OPCML: variants seen among roughly 807,000 people sequenced by gnomAD.
The protein encoded by OPCML is opioid binding protein/cell adhesion molecule like.
In OPCML, 13 loss-of-function variants were observed where a neutral mutation model predicts 37.8. The observed-to-expected ratio is 0.34, with a 90% CI of 0.22 to 0.55. The LOEUF is 0.55. Ranked by LOEUF, OPCML falls within the 20% of genes least tolerant of loss-of-function variation. The pLI is 0.91. For missense variants in OPCML, 341 were observed against 435.6 expected (o/e 0.78, Z 1.93); for synonymous variants, 176 against 168.8 (o/e 1.04, Z -0.33).
At chr11:133,466,401 T>C (rs11223478) in intron 1 of OPCML, among the ~76,000 whole-genome samples, 20,263 of 152,220 alleles carry the variant, frequency 0.13, 3,207 homozygotes, top group African/African-American at 0.38. Context: ...ATTGTTGTTA[T>C]GGTGATCTCT....
intron 1 of OPCML, among the ~76,000 whole-genome samples, chr11:133,324,896 T>C (rs940710100): frequency 1.3e-5 from 2 of 152,128 alleles, no homozygotes; most frequent in East Asian, 1.9e-4. Context: ...GAATAGTATA[T>C]AGTATTATAG....
At chr11:132,447,464 ATT>A (rs537083917) in intron 4 of OPCML, among the ~76,000 whole-genome samples, 2,265 of 142,586 alleles carry the variant, frequency 0.016, 50 homozygotes, top group African/African-American at 0.054. Flanking sequence ...TGCCCAGTTA[ATT>A]TTTTTTTTTT....
intron 4 of OPCML, among the ~76,000 whole-genome samples, chr11:132,517,931 A>G (rs1030044097): frequency 1.3e-5 from 2 of 152,348 alleles, no homozygotes; most frequent in African/African-American, 4.8e-5. Flanking sequence ...AGATTTACAT[A>G]GAGAATGAGT....
At chr11:132,607,289 C>G (rs936202145) in intron 3 of OPCML, among the ~76,000 whole-genome samples, 1 of 152,202 alleles carries the variant, frequency 6.6e-6, no homozygotes, top group African/African-American at 2.4e-5. Context: ...GCATTTGGAG[C>G]CCCCAGCCTT....
intron 1 of OPCML, among the ~76,000 whole-genome samples, chr11:133,047,931 A>G (rs963229791): frequency 1.3e-5 from 2 of 152,138 alleles, no homozygotes; most frequent in African/African-American, 4.8e-5. Context: ...TATCTGGCAC[A>G]TGCTATGGCC....
chr11:132,942,616 C>T (rs1442665300), intron 2 of OPCML, among the ~76,000 whole-genome samples: 1 of 152,160 alleles, frequency 6.6e-6, no homozygotes, highest in East Asian at 1.9e-4. Flanking sequence ...CAAACCCATG[C>T]ACTCATGTTC....
intron 1 of OPCML, among the ~76,000 whole-genome samples, chr11:133,126,483 A>G (rs1949517638): frequency 6.6e-6 from 1 of 152,190 alleles, no homozygotes; most frequent in Non-Finnish European, 1.5e-5. Flanking sequence ...GACACATAAA[A>G]TTAATCATCA....
chr11:133,101,343 G>T (rs1160160352), intron 1 of OPCML, among the ~76,000 whole-genome samples: 1 of 152,154 alleles, frequency 6.6e-6, no homozygotes, highest in Non-Finnish European at 1.5e-5. Context: ...AGATTGAGAA[G>T]AAAAGCCACA....
intron 3 of OPCML, among the ~76,000 whole-genome samples, chr11:132,558,940 C>G (rs2096404351): frequency 6.6e-6 from 1 of 152,114 alleles, no homozygotes; most frequent in Admixed American, 6.5e-5. Context: ...CCAACCAGAG[C>G]ACAGCTCATG....
intron 2 of OPCML, among the ~76,000 whole-genome samples, chr11:132,918,798 A>C (rs1283808563): frequency 5.8e-5 from 7 of 119,810 alleles, no homozygotes; most frequent in Non-Finnish European, 1.3e-4. Flanking sequence ...ACCAGGGTTG[A>C]AAAAAAACAT....
chr11:132,823,547 A>G (rs1377567286), intron 2 of OPCML, among the ~76,000 whole-genome samples: 2 of 151,696 alleles, frequency 1.3e-5, no homozygotes, highest in Admixed American at 6.6e-5. Flanking sequence ...AACCATCCCT[A>G]TCAGCATCCA....
At chr11:132,657,029 CTG>C (rs1365552131) in intron 3 of OPCML, 56 bp downstream of exon 3, 23 of 1,585,400 alleles carry the variant, frequency 1.5e-5, no homozygotes, top group Non-Finnish European at 2.0e-5. Context: ...AACACCAACA[CTG>C]TTCTTCCCCT....
chr11:132,681,628 T>C (rs1008287443), intron 2 of OPCML, among the ~76,000 whole-genome samples: 1 of 152,118 alleles, frequency 6.6e-6, no homozygotes, highest in Non-Finnish European at 1.5e-5. Context: ...TCCTCCGGGA[T>C]GCCGGACAAG....
At chr11:132,842,411 T>C (rs1333448020) in intron 2 of OPCML, among the ~76,000 whole-genome samples, 1 of 152,146 alleles carries the variant, frequency 6.6e-6, no homozygotes, top group Admixed American at 6.6e-5. Flanking sequence ...CCTCCCCTCT[T>C]CCCAGCAATA....
At chr11:132,792,723 C>G (rs1037424686) in intron 2 of OPCML, among the ~76,000 whole-genome samples, 3 of 152,148 alleles carry the variant, frequency 2.0e-5, no homozygotes, top group Admixed American at 6.5e-5. Context: ...AGGGACGCGG[C>G]CCTGGTGAGT....
intron 1 of OPCML, among the ~76,000 whole-genome samples, chr11:133,133,630 C>A (rs1466400372): frequency 3.3e-5 from 5 of 152,124 alleles, no homozygotes; most frequent in African/African-American, 1.2e-4. Context: ...TTCCCTTGAG[C>A]AGCAACTACA....
chr11:133,104,176 T>C (rs1949124473), intron 1 of OPCML, among the ~76,000 whole-genome samples: 2 of 152,252 alleles, frequency 1.3e-5, no homozygotes, highest in African/African-American at 4.8e-5. Context: ...CAGTGCTTCC[T>C]GCCAGAAGGC....
At chr11:132,643,002 T>C (rs1940943385) in intron 3 of OPCML, among the ~76,000 whole-genome samples, 1 of 152,104 alleles carries the variant, frequency 6.6e-6, no homozygotes, top group Non-Finnish European at 1.5e-5. Flanking sequence ...TAGTTCTCAG[T>C]GGTGGTGTGG....
intron 1 of OPCML, among the ~76,000 whole-genome samples, chr11:133,255,659 G>T (rs1941288857): frequency 6.6e-6 from 1 of 152,156 alleles, no homozygotes; most frequent in African/African-American, 2.4e-5. Flanking sequence ...ATTTGCAAAG[G>T]CCTATTCTCA....
Sources: gnomAD v4.1 joint callset for allele counts (sites outside exome capture counted in the v4.1 genomes callset) on GRCh38, gnomAD v4.1.1 for gene constraint, MANE v1.5 for transcripts, NCBI Gene and HGNC (gene_info 2026-07-23, HGNC 2026-07-21) for gene names.